The following YY1AP1 variants were observed in gnomAD, a reference collection of about 807,000 sequenced individuals.
The protein encoded by YY1AP1 is YY1-associated protein 1.
Under a neutral mutation model 39.9 loss-of-function variants are expected in YY1AP1, and 43 were observed. That is an observed-to-expected ratio of 1.08 (90% CI 0.84 to 1.39). The LOEUF is 1.39. YY1AP1 is among the 40% of genes most tolerant of loss of function. The probability of loss-of-function intolerance (pLI) is 0.00; values close to 1 mark genes in which losing one functional copy is unlikely to be tolerated. For synonymous variants in YY1AP1, 292 were observed against 331.3 expected (o/e 0.88, Z 1.29); for missense variants, 813 against 900.7 (o/e 0.90, Z 1.25).
chr1:155,688,830 C>CAGGGGCA (rs1653188443), upstream of YY1AP1: 3 of 1,576,410 alleles, frequency 1.9e-6, no homozygotes, highest in African/African-American at 1.4e-5. Flanking sequence ...CCATTCCTGG[C>CAGGGGCA]GGCTGCAGGG....
intron 6 of YY1AP1, 164 bp downstream of exon 6, chr1:155,674,845 TG>T (rs1650402398): frequency 1.7e-6 from 1 of 574,470 alleles, no homozygotes; most frequent in African/African-American, 1.9e-5. Context: ...AAGAAAAAAT[TG>T]AATACACTCT....
Position 155,660,103 on chromosome 1 carries a change from G to C in YY1AP1, c.1807C>G (p.Pro603Ala). ...GAGGCCACAAGGGGCTGGTTCAATG[G>C]ACAGGGGAAGGAAGTAGGGTTAACC... ...LLVNPTSFPCPLNQPLVASSV... is the reference protein window; with the variant it reads ...LLVNPTSFPCALNQPLVASSV... The change falls in exon 11 of 11, where the codon CCA (proline) becomes GCA (alanine). Residue 603 changes from proline to alanine, a missense_variant. Physicochemically the swap from Pro to Ala is conservative, Grantham distance 27. Coordinates refer to ENST00000355499, the MANE Select transcript of YY1AP1 (RefSeq NM_139119.3). 3 of 1,614,200 alleles carry C rather than the reference G, an allele frequency of 1.9e-6. No individual in the cohort carries two copies. Among genetic ancestry groups the C allele is most frequent in the Non-Finnish European group, 2.5e-6 (3 of 1,180,038 alleles).
chr1:155,661,550 C>CACACAA (rs1206217942), intron 9 of YY1AP1, 127 bp from the exon 10 acceptor site: 3 of 1,448,754 alleles, frequency 2.1e-6, no homozygotes, highest in African/African-American at 2.8e-5. Flanking sequence ...CACACACACA[C>CACACAA]AAGACCACAT....
chr1:155,688,469 C>G, intron 1 of YY1AP1, 190 bp downstream of exon 1: 1 of 1,549,786 alleles, frequency 6.5e-7, no homozygotes, highest in Non-Finnish European at 8.7e-7. Context: ...GGCCATGTAG[C>G]GCGCACGTCA....
In YY1AP1 at chr1:155,661,300, G is replaced by A. The variant is rs1348492572; in HGVS notation, c.996+7C>T. On this transcript the variant is annotated splice_region_variant and intron_variant, in intron 10 of 10. Transcript: ENST00000355499. ...CCTCCTACAGACTTCGAGGAAGAGG[G>A]CTGTACCTTTAACCAGAATGGGAGC... is the stretch of plus-strand genomic sequence containing the variant. 1.2e-6 allele frequency: 2 copies of A among 1,613,920 alleles called. No homozygotes were observed. Among genetic ancestry groups the A allele is most frequent in the Non-Finnish European group, 1.7e-6 (2 of 1,179,862 alleles).
chr1:155,667,708 G>A (rs927743950), intron 9 of YY1AP1, among the ~76,000 whole-genome samples: 11 of 151,926 alleles, frequency 7.2e-5, no homozygotes, highest in African/African-American at 2.4e-4. Context: ...TGTAATCCCA[G>A]CTACAAGGGA....
chr1:155,687,139 TACTATAAACCCGCGACAACAAATAAGGCC>T (rs1285633165), intron 2 of YY1AP1, among the ~76,000 whole-genome samples: 23 of 152,336 alleles, frequency 1.5e-4, no homozygotes, highest in African/African-American at 5.5e-4. Flanking sequence ...TGTAAACTAT[TACTATAAACCCGCGACAACAAATAAGGCC>T]ACCCATTCTT....
chr1:155,676,229 A>AC (rs951141772), intron 5 of YY1AP1, among the ~76,000 whole-genome samples: 1 of 151,996 alleles, frequency 6.6e-6, no homozygotes, highest in Non-Finnish European at 1.5e-5. Flanking sequence ...CTCAAAAAAA[A>AC]AAGAAAAAAG....
chr1:155,687,175 T>TA (rs1441040999), intron 2 of YY1AP1, among the ~76,000 whole-genome samples: 8 of 152,246 alleles, frequency 5.3e-5, no homozygotes, highest in Non-Finnish European at 1.2e-4. Flanking sequence ...GGCCACCCAT[T>TA]CTTTACAGCT....
upstream of YY1AP1, chr1:155,688,843 A>C: frequency 6.3e-7 from 1 of 1,590,224 alleles, no homozygotes; most frequent in Non-Finnish European, 8.6e-7. Context: ...CTGCAGGGGC[A>C]GGAGAGGAAG....
chr1:155,683,481 C>A (rs540985325), intron 2 of YY1AP1, among the ~76,000 whole-genome samples: 4 of 152,072 alleles, frequency 2.6e-5, no homozygotes, highest in Admixed American at 2.6e-4. Flanking sequence ...CATGGTGAAA[C>A]CCTGTCTCTA....
intron 6 of YY1AP1, among the ~76,000 whole-genome samples, chr1:155,673,103 C>G (rs2149048358): frequency 6.6e-6 from 1 of 152,264 alleles, no homozygotes; most frequent in East Asian, 1.9e-4. Flanking sequence ...ACTGCAAACT[C>G]CCCCTCCCAG....
At chr1:155,680,600 T>C in intron 2 of YY1AP1, 144 bp from the exon 3 acceptor site, 1 of 670,772 alleles carries the variant, frequency 1.5e-6, no homozygotes, top group Non-Finnish European at 2.6e-6. Flanking sequence ...AGGGTCTCAC[T>C]CTGTCACCCG....
chr1:155,688,793 T>A, upstream of YY1AP1: 1 of 1,536,578 alleles, frequency 6.5e-7, no homozygotes, highest in South Asian at 1.2e-5. Flanking sequence ...CGCGTGCGCC[T>A]CCCACAGTCC....
chr1:155,677,096 T>A (rs1174871978), intron 4 of YY1AP1, among the ~76,000 whole-genome samples: 1 of 152,144 alleles, frequency 6.6e-6, no homozygotes, highest in Non-Finnish European at 1.5e-5. Context: ...CTTCTCTCAT[T>A]ACTTGTTACT....
chr1:155,686,176 C>G (rs1409425101), intron 2 of YY1AP1, among the ~76,000 whole-genome samples: 1 of 151,712 alleles, frequency 6.6e-6, no homozygotes, highest in African/African-American at 2.4e-5. Flanking sequence ...GCTGGGACTA[C>G]AGGCGCCCGC....
At chr1:155,670,298 A>G in intron 8 of YY1AP1, 22 bp downstream of exon 8, 1 of 1,611,854 alleles carries the variant, frequency 6.2e-7, no homozygotes, top group Non-Finnish European at 8.5e-7. Context: ...GGGATATTTG[A>G]TCCCCCAGAG....
chr1:155,688,790 G>C, upstream of YY1AP1: 1 of 1,543,800 alleles, frequency 6.5e-7, no homozygotes, highest in Non-Finnish European at 8.7e-7. Context: ...TCGCGCGTGC[G>C]CCTCCCACAG....
Position 155,670,318 on chromosome 1 carries a change from A to C in YY1AP1, c.728+2T>G. On this transcript the variant is annotated splice_donor_variant, in intron 8 of 10. Coordinates refer to ENST00000355499, the MANE Select transcript of YY1AP1 (RefSeq NM_139119.3). LOFTEE classifies it high-confidence loss of function. ...ATTTGATCCCCCAGAGTAAACACTT[A>C]CTTGTCCTCAGCCTTGGTGAAGAGG... 4 of 1,612,076 alleles carry C rather than the reference A, an allele frequency of 2.5e-6. No homozygotes were observed. Among genetic ancestry groups the C allele is most frequent in the Non-Finnish European group, 2.5e-6 (3 of 1,179,848 alleles).
Sources: gnomAD v4.1 joint callset for allele counts (sites outside exome capture counted in the v4.1 genomes callset) on GRCh38, gnomAD v4.1.1 for gene constraint, MANE v1.5 for transcripts, NCBI Gene and HGNC (gene_info 2026-07-23, HGNC 2026-07-21) for gene names.